GXYLT2: variants seen among roughly 807,000 people sequenced by gnomAD.
GXYLT2 encodes glucoside xylosyltransferase 2, also known as glycosyltransferase 8 domain containing 4.
In GXYLT2, 53 loss-of-function variants were observed where a neutral mutation model predicts 45.8. The ratio of observed to expected loss-of-function variants is 1.16; its 90% confidence interval spans 0.93 to 1.46. The LOEUF (loss-of-function observed/expected upper bound fraction) is 1.46, where lower values mean the gene tolerates loss of function less well. Ranked by LOEUF, GXYLT2 falls within the 40% of genes most tolerant of loss-of-function variation. The pLI is 0.00. For missense variants in GXYLT2, 551 were observed against 544.4 expected, an observed-to-expected ratio of 1.01 and a Z score of -0.12; for synonymous variants, 219 against 214.2, an observed-to-expected ratio of 1.02 and a Z score of -0.19.
chr3:72,942,614 A>G (rs1710321644), intron 3 of GXYLT2, among the ~76,000 whole-genome samples: 2 of 152,198 alleles, frequency 1.3e-5, no homozygotes, highest in South Asian at 4.1e-4. Flanking sequence ...TCAACATCGT[A>G]TATGCCCAGG....
chr3:72,908,921 A>G (rs1043835662), intron 2 of GXYLT2, among the ~76,000 whole-genome samples: 3 of 151,962 alleles, frequency 2.0e-5, no homozygotes, highest in Admixed American at 2.0e-4. Context: ...TGTATTTTTT[A>G]ATAGAGACAG....
chr3:72,972,642 G>GAAAA (rs71126813), intron 6 of GXYLT2, among the ~76,000 whole-genome samples: 5 of 84,538 alleles, frequency 5.9e-5, no homozygotes, highest in African/African-American at 1.1e-4. Flanking sequence ...CTCTGTCTCG[G>GAAAA]AAAAAAAAAA....
At chr3:72,919,694 G>A (rs1474846865) in intron 2 of GXYLT2, among the ~76,000 whole-genome samples, 2 of 152,238 alleles carry the variant, frequency 1.3e-5, no homozygotes, top group Non-Finnish European at 2.9e-5. Flanking sequence ...GGCGGCGGTT[G>A]CAGTGAGCTG....
chr3:72,903,710 G>T (rs62249901), intron 1 of GXYLT2, among the ~76,000 whole-genome samples: 249 of 152,272 alleles, frequency 1.6e-3, no homozygotes, highest in Non-Finnish European at 2.9e-3. Flanking sequence ...TTGGGTAAGG[G>T]TCATAGCAGT....
chr3:72,962,866 A>G (rs981022191), intron 5 of GXYLT2, among the ~76,000 whole-genome samples: 3 of 152,318 alleles, frequency 2.0e-5, no homozygotes, highest in African/African-American at 7.2e-5. Flanking sequence ...GCCTTCTCAA[A>G]AAAAGTAATT....
intron 3 of GXYLT2, among the ~76,000 whole-genome samples, chr3:72,925,292 G>T (rs1709897939): frequency 6.6e-6 from 1 of 151,888 alleles, no homozygotes; most frequent in African/African-American, 2.4e-5. Flanking sequence ...AAGTAGCTGG[G>T]ATTTTGGCGC....
intron 2 of GXYLT2, among the ~76,000 whole-genome samples, chr3:72,916,667 G>T (rs1248654172): frequency 6.6e-6 from 1 of 151,938 alleles, no homozygotes; most frequent in Non-Finnish European, 1.5e-5. Flanking sequence ...AGCCCCCCTA[G>T]TAGCTGGGAT....
rs1305375527 is a variant in GXYLT2 at position 72,967,494 on chromosome 3, A to G, written c.977-53A>G. On this transcript the variant is annotated intron_variant, in intron 5 of 6. Coordinates refer to ENST00000389617, the MANE Select transcript of GXYLT2 (RefSeq NM_001080393.2). ...AACAGTTTAATCGTGCCACATGTGC[A>G]TGAGAGCTGGCACTAACCGTGGACA... The G allele has an allele frequency of 2.9e-5, 40 of 1,394,586 alleles. 1 individual carries two copies. Among genetic ancestry groups the G allele is most frequent in the East Asian group, 4.6e-5 (2 of 43,142 alleles). The allele number at this position is 1,394,586 out of a possible 1,614,324, so 86.4% of individuals were successfully genotyped here.
At chr3:72,905,046 C>T (rs1319174240) in intron 1 of GXYLT2, among the ~76,000 whole-genome samples, 3 of 95,358 alleles carry the variant, frequency 3.1e-5, no homozygotes, top group Non-Finnish European at 5.6e-5. Context: ...GCCTGGGCAA[C>T]AGAGTGAGAT....
intron 6 of GXYLT2, among the ~76,000 whole-genome samples, chr3:72,970,793 C>G (rs1220646689): frequency 6.6e-6 from 1 of 152,086 alleles, no homozygotes. Context: ...ACCTGGGAAG[C>G]AGAGGTTGCA....
chr3:72,975,136 G>T lies in GXYLT2; in HGVS notation c.1309G>T (p.Val437Phe). 1.2e-6 allele frequency: 2 copies of T among 1,613,440 alleles called. No homozygotes were observed. Among genetic ancestry groups the T allele is most frequent in the Non-Finnish European group, 1.7e-6 (2 of 1,179,630 alleles). The change falls in exon 7 of 7, where the codon GTT (valine) becomes TTT (phenylalanine). Residue 437 changes from valine to phenylalanine, a missense_variant. Physicochemically the swap from Val to Phe is conservative, Grantham distance 50. Coordinates refer to ENST00000389617, the MANE Select transcript of GXYLT2 (RefSeq NM_001080393.2). ...TTATGAGAAACACGTCATCATCCAT[G>T]TTGGCCCCAACCAGATGCACTGAAT... ...RAYEKHVIIHVGPNQMH is the reference protein window; with the variant it reads ...RAYEKHVIIHFGPNQMH
intron 3 of GXYLT2, among the ~76,000 whole-genome samples, chr3:72,949,168 C>T (rs1236515556): frequency 6.6e-6 from 1 of 152,162 alleles, no homozygotes; most frequent in Non-Finnish European, 1.5e-5. Context: ...CAACATAGTT[C>T]CTGATCGGGC....
In GXYLT2 at chr3:72,959,489, G is replaced by A. The variant is rs150614698; in HGVS notation, c.976+2137G>A. 3.1e-3 allele frequency among the ~76,000 whole-genome samples: 465 copies of A among 152,188 alleles called. 5 individuals carry two copies. Among genetic ancestry groups the A allele is most frequent in the African/African-American group, 0.011 (456 of 41,518 alleles). On this transcript the variant is annotated intron_variant, in intron 5 of 6. Transcript: ENST00000389617. ...TTGCCCAAGGTCATCTGGAACTCCT[G>A]GGCTCAAGCGATCTTCCGGCCTCGG...
chr3:72,888,075 C>G lies in GXYLT2; in HGVS notation c.-159C>G, dbSNP rs1014834371. On this transcript the variant is annotated 5_prime_UTR_variant, in exon 1 of 7. Transcript: ENST00000389617. Reference sequence around the variant, plus strand: ...CCTCTCTCTCCTCCTCCTTCGCCGTCGCCGCCGCCGCCGGCCGCCCGCCGG... The same window carrying G: ...CCTCTCTCTCCTCCTCCTTCGCCGTGGCCGCCGCCGCCGGCCGCCCGCCGG... 10 of 259,190 alleles carry G rather than the reference C, an allele frequency of 3.9e-5. No individual in the cohort carries two copies. Among genetic ancestry groups the G allele is most frequent in the African/African-American group, 2.3e-4 (10 of 42,714 alleles). 16.1% of individuals were successfully genotyped at this position (259,190 alleles called of 1,614,324 possible). A position where few individuals can be genotyped will look rare whatever the true frequency, so the allele number is the denominator to read the frequency against.
Position 72,888,635 on chromosome 3 carries a change from TTC to T in GXYLT2, c.275+129_275+130del, listed in dbSNP as rs777385483. ...CAAGTTTCACCCACGGGCTGCCCACTTCTGTTTCTTAACCCGATAGAAAAGAA... is the reference window on the plus strand; with the variant it reads ...CAAGTTTCACCCACGGGCTGCCCACTTGTTTCTTAACCCGATAGAAAAGAA... On this transcript the variant is annotated intron_variant, in intron 1 of 6. Transcript: ENST00000389617. 5.3e-4 allele frequency: 334 copies of T among 624,768 alleles called. 1 individual carries two copies. Among genetic ancestry groups the T allele is most frequent in the African/African-American group, 5.3e-3 (268 of 50,524 alleles). 38.7% of individuals were successfully genotyped at this position (624,768 alleles called of 1,614,324 possible). A position where few individuals can be genotyped will look rare whatever the true frequency, so the allele number is the denominator to read the frequency against.
chr3:72,889,095 G>A (rs1575769772), intron 1 of GXYLT2, among the ~76,000 whole-genome samples: 1 of 152,326 alleles, frequency 6.6e-6, no homozygotes, highest in South Asian at 2.1e-4. Context: ...AGGCTCGAGT[G>A]TGGTCAAAGG....
intron 3 of GXYLT2, chr3:72,929,608 A>T: frequency 1.0e-6 from 1 of 993,542 alleles, no homozygotes; most frequent in South Asian, 1.3e-5. Flanking sequence ...GCCTCAGGCT[A>T]ATTTCCCCAT....
Position 72,975,009 on chromosome 3 carries a change from G to T in GXYLT2, c.1182G>T (p.Met394Ile). The change falls in exon 7 of 7, where the codon ATG becomes ATT. Residue 394 changes from methionine to isoleucine, a missense_variant. By Grantham distance (10) the Met-to-Ile change is conservative (BLOSUM62 1). Transcript: ENST00000389617. ...FPFQDNLFQSMYYPLQLKFLE... is the reference protein window; with the variant it reads ...FPFQDNLFQSIYYPLQLKFLE... ...TTCAAGACAATCTCTTTCAATCCAT[G>T]TATTACCCCCTTCAGCTGAAGTTTT... is the stretch of plus-strand genomic sequence containing the variant. The T allele has an allele frequency of 6.2e-7, 1 of 1,606,484 alleles. No homozygotes were observed. The highest frequency in any genetic ancestry group is 8.5e-7 in the Non-Finnish European group (1 of 1,175,782).
rs181477323 is a variant in GXYLT2 at position 72,931,365 on chromosome 3, G to A, written c.600+9030G>A. Among the ~76,000 whole-genome samples the A allele has an allele frequency of 3.2e-3, 484 of 151,914 alleles. 2 individuals carry two copies. The highest frequency in any genetic ancestry group is 0.011 in the African/African-American group (462 of 41,386). ...CTGCCTCAGCTTGCCGAGTAGCTGGGACTACAGGTGCCCGTCACCACACAT... is the reference window on the plus strand; with the variant it reads ...CTGCCTCAGCTTGCCGAGTAGCTGGAACTACAGGTGCCCGTCACCACACAT... On this transcript the variant is annotated intron_variant, in intron 3 of 6. Transcript: ENST00000389617.
Sources: gnomAD v4.1 joint callset for allele counts (sites outside exome capture counted in the v4.1 genomes callset) on GRCh38, gnomAD v4.1.1 for gene constraint, MANE v1.5 for transcripts, NCBI Gene and HGNC (gene_info 2026-07-23, HGNC 2026-07-21) for gene names.